Variants in ARSG observed in about 807,000 individuals in gnomAD.
ARSG encodes arylsulfatase G, also known as ASG.
Under a neutral mutation model 50.5 loss-of-function variants are expected in ARSG, and 37 were observed. That is an observed-to-expected ratio of 0.73 (90% CI 0.56 to 0.96). The LOEUF is 0.96. ARSG is among the 50% of genes least tolerant of loss of function. ARSG has a pLI of 0.00. For missense variants in ARSG, 629 were observed against 675.3 expected, an observed-to-expected ratio of 0.93 and a Z score of 0.76; for synonymous variants, 225 against 254.6, an observed-to-expected ratio of 0.88 and a Z score of 1.11.
At chr17:68,377,736 A>G (rs2080221218) in intron 8 of ARSG, among the ~76,000 whole-genome samples, 1 of 152,244 alleles carries the variant, frequency 6.6e-6, no homozygotes, top group Non-Finnish European at 1.5e-5. Flanking sequence ...AGGATCAGGC[A>G]ACTTAAATCG....
chr17:68,280,648 A>C (rs1415026495), intron 1 of ARSG, among the ~76,000 whole-genome samples: 1 of 152,252 alleles, frequency 6.6e-6, no homozygotes, highest in African/African-American at 2.4e-5. Context: ...AAAATGGATC[A>C]AAGACTTAAA....
intron 1 of ARSG, among the ~76,000 whole-genome samples, chr17:68,281,384 T>C (rs1042271190): frequency 4.6e-5 from 7 of 151,758 alleles, no homozygotes; most frequent in Non-Finnish European, 1.0e-4. Context: ...CTGGCCAACA[T>C]AGTGAAATCC....
intron 11 of ARSG, among the ~76,000 whole-genome samples, chr17:68,407,348 T>C (rs1267868862): frequency 2.0e-5 from 3 of 152,238 alleles, no homozygotes; most frequent in African/African-American, 7.2e-5. Flanking sequence ...GCTTTGGCTA[T>C]GCAAGCTCTT....
the ARSG span, chr17:68,433,380 A>T: frequency 8.1e-7 from 1 of 1,229,606 alleles, no homozygotes; most frequent in Non-Finnish European, 1.2e-6. Context: ...GGGTGTTCAG[A>T]AAGAAAAGAG....
chr17:68,426,250 G>GGGGGGGGGT, downstream of ARSG: 4 of 828,060 alleles, frequency 4.8e-6, no homozygotes, highest in South Asian at 2.6e-5. Flanking sequence ...GGTGGGGAGC[G>GGGGGGGGGT]GGGGCTCAAA....
chr17:68,338,003 G>A (rs569102498), intron 2 of ARSG, among the ~76,000 whole-genome samples: 14 of 152,222 alleles, frequency 9.2e-5, no homozygotes, highest in African/African-American at 2.2e-4. Context: ...GCAGGTCTCC[G>A]AGGAAAACCC....
chr17:68,311,926 A>G (rs1459546380), intron 2 of ARSG, among the ~76,000 whole-genome samples: 1 of 150,008 alleles, frequency 6.7e-6, no homozygotes, highest in African/African-American at 2.5e-5. Flanking sequence ...TCAGCCTCCC[A>G]AGTAGCTGGG....
chr17:68,440,349 T>C, the ARSG span, among the ~76,000 whole-genome samples: 1 of 152,252 alleles, frequency 6.6e-6, no homozygotes, highest in African/African-American at 2.4e-5. Context: ...GAGTTTTCCT[T>C]AGCTTGGCTA....
chr17:68,359,245 T>C (rs906007731), intron 6 of ARSG, among the ~76,000 whole-genome samples: 1 of 152,088 alleles, frequency 6.6e-6, no homozygotes, highest in Admixed American at 6.6e-5. Flanking sequence ...TACCACAGTC[T>C]ATCTCTAATA....
rs148845370 is a variant in ARSG, at chr17:68,365,753, A to G, written c.705-2795A>G. On this transcript the variant is annotated intron_variant, in intron 6 of 11. Coordinates refer to ENST00000621439, the MANE Select transcript of ARSG (RefSeq NM_001267727.2). ...ATCTCACCATGGCTGATTTCCAGCT[A>G]TGGAGATGTCACCGAATATGGCATT... Among the ~76,000 whole-genome samples the G allele has an allele frequency of 3.3e-5, 5 of 152,260 alleles. No individual in the cohort carries two copies. In the South Asian group the frequency reaches 6.2e-4, roughly 19 times the overall value.
At chr17:68,437,587 G>C in the ARSG span, among the ~76,000 whole-genome samples, 1 of 151,880 alleles carries the variant, frequency 6.6e-6, no homozygotes, top group Non-Finnish European at 1.5e-5. Flanking sequence ...CAATTTCTGA[G>C]CCAAATGCCC....
At chr17:68,365,067 T>C (rs1373575989) in intron 6 of ARSG, among the ~76,000 whole-genome samples, 1 of 152,192 alleles carries the variant, frequency 6.6e-6, no homozygotes, top group Non-Finnish European at 1.5e-5. Context: ...CCCAGCACTT[T>C]GGGAGGCTAA....
intron 9 of ARSG, among the ~76,000 whole-genome samples, chr17:68,394,519 C>G (rs1833791217): frequency 6.6e-6 from 1 of 152,192 alleles, no homozygotes; most frequent in African/African-American, 2.4e-5. Context: ...TGCTTGTAGT[C>G]CCAGCTACTC....
At chr17:68,275,322 A>C (rs1182104383) in intron 1 of ARSG, among the ~76,000 whole-genome samples, 1 of 152,204 alleles carries the variant, frequency 6.6e-6, no homozygotes, top group African/African-American at 2.4e-5. Flanking sequence ...AACATGCTAG[A>C]AAAGGAAGTG....
rs778404147 is a variant in ARSG, at chr17:68,381,171, A to G, written c.983-3893A>G. 1.3e-5 allele frequency among the ~76,000 whole-genome samples: 2 copies of G among 152,272 alleles called. No individual in the cohort carries two copies. The highest frequency in any genetic ancestry group is 6.8e-3 in the Middle Eastern group (2 of 294). Reference sequence around the variant, plus strand: ...ATGGCCCTTGGGTCCCAGCCAAGAAAGACCACTGTTCCTCCGCGTGGGCAG... The same window carrying G: ...ATGGCCCTTGGGTCCCAGCCAAGAAGGACCACTGTTCCTCCGCGTGGGCAG... On this transcript the variant is annotated intron_variant, in intron 8 of 11. Coordinates refer to ENST00000621439, the MANE Select transcript of ARSG (RefSeq NM_001267727.2). The surrounding 1 kb of genome is among the most constrained non-coding windows in gnomAD (Gnocchi z 4.1).
At chr17:68,343,544 T>C (rs1419981203) in intron 2 of ARSG, 60 bp from the exon 3 acceptor site, 1 of 1,473,994 alleles carries the variant, frequency 6.8e-7, no homozygotes, top group Non-Finnish European at 9.1e-7. Flanking sequence ...GGCACTGCCT[T>C]TTCTTTTACT....
intron 11 of ARSG, among the ~76,000 whole-genome samples, chr17:68,407,148 T>C (rs1333958323): frequency 6.6e-6 from 1 of 152,228 alleles, no homozygotes; most frequent in Admixed American, 6.5e-5. Context: ...ACTTTATGTT[T>C]GTGTTGGCTT....
the ARSG span, among the ~76,000 whole-genome samples, chr17:68,429,705 C>T: frequency 1.8e-4 from 28 of 152,138 alleles, no homozygotes; most frequent in African/African-American, 3.9e-4. Flanking sequence ...TCTCCTGCCC[C>T]AACCTCCCAA....
chr17:68,271,366 A>C lies in ARSG; in HGVS notation c.-552+11940A>C, dbSNP rs782651895. On this transcript the variant is annotated intron_variant, in intron 1 of 11. Coordinates refer to the ARSG transcript ENST00000448504. This position sits in a 1 kb window ranked among gnomAD's most constrained non-coding sequence, Gnocchi z 5.3. Reference sequence around the variant, plus strand: ...GCTGGTCTTCACCAGGACCTGCTGCATGTCGGCCTTCGGCTCCAGTTCCAG... The same window carrying C: ...GCTGGTCTTCACCAGGACCTGCTGCCTGTCGGCCTTCGGCTCCAGTTCCAG... 1 of 1,614,138 alleles carries C rather than the reference A, an allele frequency of 6.2e-7. No individual in the cohort carries two copies. The highest frequency in any genetic ancestry group is 8.5e-7 in the Non-Finnish European group (1 of 1,180,064).
Sources: gnomAD v4.1 joint callset for allele counts (sites outside exome capture counted in the v4.1 genomes callset) on GRCh38, gnomAD v4.1.1 for gene constraint, Gnocchi (gnomAD v3.1) non-coding constraint, MANE v1.5 for transcripts, NCBI Gene and HGNC (gene_info 2026-07-23, HGNC 2026-07-21) for gene names.